AHDC1: variants seen among roughly 807,000 people sequenced by gnomAD.
The protein encoded by AHDC1 is AT-hook DNA binding motif containing 1.
A neutral mutation model predicts 87.9 loss-of-function variants in AHDC1; 7 were observed. The observed-to-expected ratio is 0.08, with a 90% confidence interval of 0.05 to 0.15. AHDC1 has a LOEUF of 0.15. Ranked by LOEUF, AHDC1 falls within the 10% of genes least tolerant of loss-of-function variation. The pLI, the probability that AHDC1 is intolerant of heterozygous loss-of-function variation, is 1.00. For synonymous variants in AHDC1, 1,051 were observed against 1,006.8 expected, an observed-to-expected ratio of 1.04 and a Z score of -0.83; for missense variants, 1,841 against 2,253.2, an observed-to-expected ratio of 0.82 and a Z score of 3.70.
At chr1:27,574,321 TG>T (rs2088635971) in intron 3 of AHDC1, among the ~76,000 whole-genome samples, 1 of 152,218 alleles carries the variant, frequency 6.6e-6, no homozygotes, top group Admixed American at 6.5e-5. Flanking sequence ...TCAAATGTTT[TG>T]GGGGCTACCT....
rs2019481600 is a variant in AHDC1 at position 27,550,562 on chromosome 1, G to C, written c.1554C>G (p.Thr518=). Residue 518 remains threonine (T), a synonymous_variant, in exon 8 of 9, where the codon ACC becomes ACG. Transcript: ENST00000673934. ...ELGLRVSAEP[T]PLLKMKNNGR... ...CATTGTTCTTCATCTTCAGCAGCGG[G>C]GTGGGCTCAGCCGACACGCGCAGGC... 1 of 1,613,296 alleles carries C rather than the reference G, an allele frequency of 6.2e-7. No individual in the cohort carries two copies.
chr1:27,577,264 G>A (rs1470311844), intron 3 of AHDC1, among the ~76,000 whole-genome samples: 1 of 152,186 alleles, frequency 6.6e-6, no homozygotes, highest in Non-Finnish European at 1.5e-5. Flanking sequence ...GACAGACGTG[G>A]GCATCCAATA....
rs2020261371 is a variant in AHDC1, at chr1:27,565,091, G to A, written c.-628-6208C>T. 6.6e-6 allele frequency among the ~76,000 whole-genome samples: 1 copy of A among 152,182 alleles called. No individual in the cohort carries two copies. The highest frequency in any genetic ancestry group is 2.4e-5 in the African/African-American group (1 of 41,448). ...GCGACAGATGGCCTGCCGAGGCAGC[G>A]GCGATCTGGGCGGCTGGCAGGCATG... is the stretch of plus-strand genomic sequence containing the variant. On this transcript the variant is annotated intron_variant, in intron 3 of 8. Coordinates refer to ENST00000673934, the MANE Select transcript of AHDC1 (RefSeq NM_001371928.1). The surrounding 1 kb of genome is among the most constrained non-coding windows in gnomAD (Gnocchi z 4.6).
At chr1:27,570,461 C>CA (rs1553162817) in intron 3 of AHDC1, among the ~76,000 whole-genome samples, 1 of 152,062 alleles carries the variant, frequency 6.6e-6, no homozygotes, top group Non-Finnish European at 1.5e-5. Flanking sequence ...GGCAAAGAAC[C>CA]AAGTTTCCTG....
intron 8 of AHDC1, among the ~76,000 whole-genome samples, chr1:27,543,592 C>T (rs1314638186): frequency 6.6e-6 from 1 of 152,212 alleles, no homozygotes; most frequent in Non-Finnish European, 1.5e-5. Flanking sequence ...GGTTGAGCTC[C>T]AGTGCAGCTT....
chr1:27,548,471 G>A lies in AHDC1; in HGVS notation c.3645C>T (p.Pro1215=), dbSNP rs767137518. 2.6e-5 allele frequency: 42 copies of A among 1,613,806 alleles called. No homozygotes were observed. The highest frequency in any genetic ancestry group is 3.3e-4 in the Middle Eastern group (2 of 6,062). The change falls in exon 8 of 9, where the codon CCC becomes CCT. Residue 1215 remains proline (P), a synonymous_variant. Transcript: ENST00000673934. Reference sequence around the variant, plus strand: ...GGACACTCTGGTTCCAGTTGTAGCCGGGGGCAGATGATGCCTCGTTCCAGT... The same window carrying A: ...GGACACTCTGGTTCCAGTTGTAGCCAGGGGCAGATGATGCCTCGTTCCAGT... ...MMDWNEASSA[P]GYNWNQSVLF... is the part of the protein sequence containing the mutation.
chr1:27,566,789 T>G (rs1323417497), intron 3 of AHDC1, among the ~76,000 whole-genome samples: 9 of 124,264 alleles, frequency 7.2e-5, no homozygotes, highest in African/African-American at 2.8e-4. Context: ...GGCTCTGGTT[T>G]CAGCTGGGGC....
chr1:27,547,393 G>A lies in AHDC1; in HGVS notation c.4723C>T (p.Pro1575Ser). 6.4e-7 allele frequency: 1 copy of A among 1,566,018 alleles called. No homozygotes were observed. The highest frequency in any genetic ancestry group is 8.7e-7 in the Non-Finnish European group (1 of 1,155,108). Residue 1575 changes from proline (P) to serine (S), a missense_variant, in exon 8 of 9, where the codon CCT (proline) becomes TCT (serine). By Grantham distance (74) the Pro-to-Ser change is moderately conservative. This residue lies in a region of AHDC1 where 505 missense variants were observed against 626.2 expected (regional missense o/e 0.81). Coordinates refer to ENST00000673934, the MANE Select transcript of AHDC1 (RefSeq NM_001371928.1). This position sits in a 1 kb window ranked among gnomAD's most constrained non-coding sequence, Gnocchi z 4.9. ...CTCTTGGGGCCCCCACCCAGGCCAG[G>A]ATGCGCCTGGGGCATAAAGCCTGGG... ...RYPGFMPQAHPGLGGGPKSGF... is the reference protein window; with the variant it reads ...RYPGFMPQAHSGLGGGPKSGF...
chr1:27,558,548 T>G lies in AHDC1; in HGVS notation c.-450-18A>C. ...TCCCCTTTCTGGATAATGGGGAGTT[T>G]GAGTAAATGTTGGGTTAATATGTTT... On this transcript the variant is annotated intron_variant, in intron 4 of 8. Coordinates refer to ENST00000673934, the MANE Select transcript of AHDC1 (RefSeq NM_001371928.1). This position sits in a 1 kb window ranked among gnomAD's most constrained non-coding sequence, Gnocchi z 5.6. 1.3e-5 allele frequency: 5 copies of G among 391,676 alleles called. No individual in the cohort carries two copies. The highest frequency in any genetic ancestry group is 3.6e-5 in the East Asian group (1 of 27,670). 24.3% of individuals were successfully genotyped at this position (391,676 alleles called of 1,614,324 possible).
At chr1:27,538,400 C>CAAAAAAAAAAAAAAAAAAAAAAAAAAAA (rs370786800) in intron 8 of AHDC1, among the ~76,000 whole-genome samples, 2 of 60,702 alleles carry the variant, frequency 3.3e-5, no homozygotes, top group Non-Finnish European at 7.2e-5. Flanking sequence ...AAGACTGTCT[C>CAAAAAAAAAAAAAAAAAAAAAAAAAAAA]AAAAAAAAAA....
At chr1:27,572,963 C>T (rs182272212) in intron 3 of AHDC1, among the ~76,000 whole-genome samples, 5 of 152,338 alleles carry the variant, frequency 3.3e-5, no homozygotes, top group East Asian at 1.9e-4. Context: ...CTCACAGCCC[C>T]GCCTGACACA....
intron 8 of AHDC1, among the ~76,000 whole-genome samples, chr1:27,541,240 G>T (rs919380552): frequency 6.6e-6 from 1 of 152,178 alleles, no homozygotes; most frequent in African/African-American, 2.4e-5. Context: ...GGTTTTAGAG[G>T]GTGGTCCCTG....
At position 27,547,761 on chromosome 1, in the gene AHDC1, C is replaced by T. The variant is rs889423145; in HGVS notation, c.4355G>A (p.Gly1452Asp). The change falls in exon 8 of 9, where the codon GGC (glycine) becomes GAC (aspartate). Residue 1452 changes from glycine to aspartate, a missense_variant. This residue lies in a region of AHDC1 where 505 missense variants were observed against 626.2 expected (regional missense o/e 0.81). Transcript: ENST00000673934. The surrounding 1 kb of genome is among the most constrained non-coding windows in gnomAD (Gnocchi z 4.9). ...AHLSCRDLPLGQPHYDSPSCK... is the reference protein window; with the variant it reads ...AHLSCRDLPLDQPHYDSPSCK... Reference sequence around the variant, plus strand: ...GCTGGGGGAATCGTAGTGGGGCTGGCCCAGCGGCAGGTCCCGGCAGCTCAG... The same window carrying T: ...GCTGGGGGAATCGTAGTGGGGCTGGTCCAGCGGCAGGTCCCGGCAGCTCAG... The T allele has an allele frequency of 2.5e-6, 4 of 1,588,238 alleles. No homozygotes were observed. The African/African-American group carries it at 5.4e-5, about 21-fold the overall frequency.
intron 3 of AHDC1, among the ~76,000 whole-genome samples, chr1:27,584,306 G>A (rs2088987116): frequency 6.6e-6 from 1 of 151,908 alleles, no homozygotes; most frequent in Non-Finnish European, 1.5e-5. Flanking sequence ...TTGGATCTTA[G>A]CATCTAGATG....
At chr1:27,557,673 T>C (rs2019887460) in intron 5 of AHDC1, among the ~76,000 whole-genome samples, 1 of 152,154 alleles carries the variant, frequency 6.6e-6, no homozygotes, top group Non-Finnish European at 1.5e-5. Flanking sequence ...ACCATCGCAG[T>C]GTATTCAGAT....
At position 27,537,507 on chromosome 1, in the gene AHDC1, G is replaced by A. The variant is rs574865136; in HGVS notation, c.*44-2591C>T. Among the ~76,000 whole-genome samples the A allele has an allele frequency of 2.5e-4, 38 of 152,278 alleles. No homozygotes were observed. The South Asian group carries it at 7.7e-3, about 31-fold the overall frequency. ...AGACGTACGCTGACTGAGTGACAGA[G>A]CGGGGACTGACCTGAGTCTGGTCAG... On this transcript the variant is annotated intron_variant, in intron 8 of 8. Transcript: ENST00000673934.
intron 3 of AHDC1, among the ~76,000 whole-genome samples, chr1:27,559,453 G>C (rs1389516690): frequency 6.6e-6 from 1 of 152,192 alleles, no homozygotes; most frequent in East Asian, 1.9e-4. Flanking sequence ...TATAGTGGAA[G>C]GAACCTGGCC....
At chr1:27,570,298 G>A (rs1271542488) in intron 3 of AHDC1, among the ~76,000 whole-genome samples, 1 of 151,932 alleles carries the variant, frequency 6.6e-6, no homozygotes. Context: ...CCCTTGAGCT[G>A]GCAGCTTCCC....
chr1:27,597,946 G>A (rs768883295), intron 3 of AHDC1, among the ~76,000 whole-genome samples: 7 of 151,850 alleles, frequency 4.6e-5, no homozygotes, highest in South Asian at 2.1e-4. Flanking sequence ...CTGTCTGTCC[G>A]TCTCTCCCTG....
Sources: gnomAD v4.1 joint callset for allele counts (sites outside exome capture counted in the v4.1 genomes callset) on GRCh38, gnomAD v4.1.1 for gene constraint, gnomAD v4.1.1 regional missense constraint, Gnocchi (gnomAD v3.1) non-coding constraint, MANE v1.5 for transcripts, NCBI Gene and HGNC (gene_info 2026-07-23, HGNC 2026-07-21) for gene names.